CADM2: variants seen among roughly 807,000 people sequenced by gnomAD.
The protein encoded by CADM2 is cell adhesion molecule 2.
In CADM2, 12 loss-of-function variants were observed where a neutral mutation model predicts 49.8. That is an observed-to-expected ratio of 0.24 (90% CI 0.15 to 0.39). CADM2 has a LOEUF of 0.39. CADM2 is among the 10% of genes least tolerant of loss of function. The pLI is 1.00. For missense variants in CADM2, 378 were observed against 492.3 expected (o/e 0.77, Z 2.20); for synonymous variants, 214 against 175.4 (o/e 1.22, Z -1.74).
intron 1 of CADM2, among the ~76,000 whole-genome samples, chr3:85,509,601 C>T (rs1405808924): frequency 1.3e-5 from 2 of 151,946 alleles, no homozygotes; most frequent in South Asian, 2.1e-4. Context: ...TTATGGTTTC[C>T]ATCCATGAGG....
intron 1 of CADM2, among the ~76,000 whole-genome samples, chr3:85,069,998 A>G (rs1371325086): frequency 6.6e-6 from 1 of 152,154 alleles, no homozygotes; most frequent in Non-Finnish European, 1.5e-5. Context: ...TGATAACAGT[A>G]TTCTAATGCA....
intron 1 of CADM2, among the ~76,000 whole-genome samples, chr3:85,688,077 T>A (rs1358657908): frequency 6.6e-6 from 1 of 152,122 alleles, no homozygotes; most frequent in Non-Finnish European, 1.5e-5. Flanking sequence ...ACCCAATGTA[T>A]GTGGAAACAC....
chr3:86,055,187 A>G (rs1288307301), intron 8 of CADM2, among the ~76,000 whole-genome samples: 1 of 152,104 alleles, frequency 6.6e-6, no homozygotes, highest in African/African-American at 2.4e-5. Context: ...TTGCATATTT[A>G]TTGAACACTT....
At chr3:85,058,390 C>T (rs189091489) in intron 1 of CADM2, among the ~76,000 whole-genome samples, 1 of 152,086 alleles carries the variant, frequency 6.6e-6, no homozygotes, top group Non-Finnish European at 1.5e-5. Context: ...ATTTTGAGAT[C>T]TCTTTGATAT....
chr3:85,846,770 G>A (rs1210247119), intron 3 of CADM2, among the ~76,000 whole-genome samples: 4 of 152,150 alleles, frequency 2.6e-5, no homozygotes, highest in Non-Finnish European at 4.4e-5. Context: ...GCTGAGGCAG[G>A]AGGATTGTTT....
chr3:85,894,661 G>A (rs1237135168), intron 5 of CADM2, among the ~76,000 whole-genome samples: 6 of 152,170 alleles, frequency 3.9e-5, no homozygotes, highest in Non-Finnish European at 5.9e-5. Flanking sequence ...GTCCTAGAAG[G>A]GAAATAGGGT....
intron 1 of CADM2, among the ~76,000 whole-genome samples, chr3:85,646,488 T>G (rs2064891270): frequency 6.6e-6 from 1 of 151,964 alleles, no homozygotes; most frequent in East Asian, 1.9e-4. Context: ...GTGAAACAGG[T>G]AGTTTGCATT....
At chr3:85,741,010 G>C (rs1344892073) in intron 2 of CADM2, among the ~76,000 whole-genome samples, 1 of 152,072 alleles carries the variant, frequency 6.6e-6, no homozygotes, top group Non-Finnish European at 1.5e-5. Flanking sequence ...AAATGAACAG[G>C]CACTTTTATG....
intron 7 of CADM2, among the ~76,000 whole-genome samples, chr3:85,960,232 G>C (rs149762487): frequency 0.011 from 1,666 of 151,874 alleles, 24 homozygotes; most frequent in African/African-American, 0.036. Flanking sequence ...ACAAAATTTT[G>C]TTAGAATGGT....
chr3:85,947,774 A>G (rs80020415), intron 7 of CADM2, among the ~76,000 whole-genome samples: 5,057 of 151,542 alleles, frequency 0.033, 284 homozygotes, highest in African/African-American at 0.12. Flanking sequence ...TAGGCTGGGC[A>G]TGGGCATCTG....
intron 1 of CADM2, among the ~76,000 whole-genome samples, chr3:85,694,727 G>A (rs2066498081): frequency 6.6e-6 from 1 of 152,064 alleles, no homozygotes; most frequent in Admixed American, 6.6e-5. Flanking sequence ...TTAAAGATTA[G>A]GGGCGTGGAT....
intron 1 of CADM2, among the ~76,000 whole-genome samples, chr3:85,213,798 T>C (rs1361710380): frequency 1.3e-5 from 2 of 152,100 alleles, no homozygotes; most frequent in African/African-American, 4.8e-5. Flanking sequence ...TATTTTCAAA[T>C]GGCCTGTCTT....
chr3:85,868,113 A>C, intron 3 of CADM2, among the ~76,000 whole-genome samples: 1 of 152,054 alleles, frequency 6.6e-6, no homozygotes, highest in Non-Finnish European at 1.5e-5. Context: ...AAAAATTTAA[A>C]AATTCAGAAA....
At chr3:85,300,872 T>C (rs1165334263) in intron 1 of CADM2, among the ~76,000 whole-genome samples, 2 of 151,952 alleles carry the variant, frequency 1.3e-5, no homozygotes, top group Non-Finnish European at 2.9e-5. Context: ...CACCATGAGC[T>C]TCATATAAAA....
chr3:85,554,195 A>G (rs2061890874), intron 1 of CADM2, among the ~76,000 whole-genome samples: 1 of 152,152 alleles, frequency 6.6e-6, no homozygotes, highest in Non-Finnish European at 1.5e-5. Context: ...ATCAGGCATT[A>G]GTTAGATTCT....
At chr3:84,990,117 G>T (rs2032797229) in intron 1 of CADM2, among the ~76,000 whole-genome samples, 1 of 151,572 alleles carries the variant, frequency 6.6e-6, no homozygotes, top group East Asian at 1.9e-4. Context: ...AAACATGAAA[G>T]GGTATGGATT....
chr3:85,049,242 T>C (rs1329515427), intron 1 of CADM2, among the ~76,000 whole-genome samples: 1 of 152,146 alleles, frequency 6.6e-6, no homozygotes, highest in East Asian at 1.9e-4. Context: ...AGTGAAGTAG[T>C]AATACAAAAA....
At chr3:85,384,429 A>G (rs1476916578) in intron 1 of CADM2, among the ~76,000 whole-genome samples, 1 of 151,920 alleles carries the variant, frequency 6.6e-6, no homozygotes, top group African/African-American at 2.4e-5. Flanking sequence ...CTCCCGCTTC[A>G]GCCTTCTAAG....
intron 1 of CADM2, among the ~76,000 whole-genome samples, chr3:85,666,711 G>T (rs2065579627): frequency 7.6e-5 from 1 of 13,188 alleles, no homozygotes; most frequent in Admixed American, 8.9e-4. Context: ...TTCTTCCTTC[G>T]ATATGGGACT....
Sources: gnomAD v4.1 joint callset for allele counts (sites outside exome capture counted in the v4.1 genomes callset) on GRCh38, gnomAD v4.1.1 for gene constraint, MANE v1.5 for transcripts, NCBI Gene and HGNC (gene_info 2026-07-23, HGNC 2026-07-21) for gene names.